Variants in EXTL3 observed in about 807,000 individuals in gnomAD.
EXTL3 encodes the protein exostosin-like 3.
Under a neutral mutation model 69.3 loss-of-function variants are expected in EXTL3, and 27 were observed. The observed-to-expected ratio is 0.39, with a 90% CI of 0.29 to 0.54. The LOEUF is 0.54. Ranked by LOEUF, EXTL3 falls within the 20% of genes least tolerant of loss-of-function variation. EXTL3 has a pLI of 0.69. For missense variants in EXTL3, 1,003 were observed against 1,231.8 expected (o/e 0.81, Z 2.78); for synonymous variants, 511 against 499.4 (o/e 1.02, Z -0.31).
intron 1 of EXTL3, among the ~76,000 whole-genome samples, chr8:28,643,352 T>C (rs1417272628): frequency 6.6e-6 from 1 of 152,148 alleles, no homozygotes; most frequent in Non-Finnish European, 1.5e-5. Context: ...ACTCCCTTTG[T>C]TCCCCCTAAG....
At chr8:28,746,049 ATATTT>A (rs1468445660) in intron 6 of EXTL3, among the ~76,000 whole-genome samples, 4 of 152,322 alleles carry the variant, frequency 2.6e-5, no homozygotes, top group African/African-American at 9.6e-5. Flanking sequence ...TTTGAATTAA[ATATTT>A]TATTTACCTA....
intron 2 of EXTL3, among the ~76,000 whole-genome samples, chr8:28,715,094 C>G (rs1278729937): frequency 6.6e-6 from 1 of 152,166 alleles, no homozygotes; most frequent in African/African-American, 2.4e-5. Flanking sequence ...TCTCTTCAAC[C>G]CTTTCAACTC....
intron 5 of EXTL3, among the ~76,000 whole-genome samples, chr8:28,739,335 T>C (rs2130786415): frequency 6.6e-6 from 1 of 152,236 alleles, no homozygotes; most frequent in Admixed American, 6.5e-5. Flanking sequence ...ATAGGGACTT[T>C]TTTAATTTTT....
At chr8:28,665,064 T>C (rs1256973866) in intron 1 of EXTL3, among the ~76,000 whole-genome samples, 48 of 13,192 alleles carry the variant, frequency 3.6e-3, no homozygotes, top group Non-Finnish European at 8.1e-3. Context: ...TTTCCTTTAC[T>C]TTTTTTTTTT....
chr8:28,637,313 C>G (rs564077188), intron 1 of EXTL3: 1 of 152,444 alleles, frequency 6.6e-6, no homozygotes, highest in Admixed American at 6.5e-5. Flanking sequence ...TTTTCAAACA[C>G]CGCATTCCCC....
intron 1 of EXTL3, among the ~76,000 whole-genome samples, chr8:28,643,481 C>T (rs1806777874): frequency 6.7e-6 from 1 of 148,440 alleles, no homozygotes; most frequent in Non-Finnish European, 1.5e-5. Flanking sequence ...GTGGTGCTAT[C>T]TTGGCTCACT....
rs555413925 is a variant in EXTL3 at position 28,705,451 on chromosome 8, C to T, written c.-570+3792C>T. Among the ~76,000 whole-genome samples, 14 of 152,002 alleles carry T rather than the reference C, an allele frequency of 9.2e-5. No individual in the cohort carries two copies. In the South Asian group the frequency reaches 2.9e-3, roughly 32 times the overall value. On this transcript the variant is annotated intron_variant, in intron 1 of 6. Coordinates refer to ENST00000220562, the MANE Select transcript of EXTL3 (RefSeq NM_001440.4). ...GCTGATTTAAGGCTGGGCACGGTGG[C>T]TCACACCTGTAATCCCAGCACTTTG... is the stretch of plus-strand genomic sequence containing the variant.
chr8:28,618,409 A>G (rs910874480), upstream of EXTL3, among the ~76,000 whole-genome samples: 2 of 152,178 alleles, frequency 1.3e-5, no homozygotes, highest in African/African-American at 4.8e-5. Context: ...GACAAAATTC[A>G]GAGGGGGAAA....
chr8:28,714,831 G>GCCGTCT (rs1342083839), intron 2 of EXTL3, among the ~76,000 whole-genome samples: 1 of 152,318 alleles, frequency 6.6e-6, no homozygotes, highest in South Asian at 2.1e-4. Context: ...GTGGTGCATT[G>GCCGTCT]CCGTCTCCGT....
At chr8:28,642,056 C>T (rs1282177971) in intron 1 of EXTL3, among the ~76,000 whole-genome samples, 1 of 150,444 alleles carries the variant, frequency 6.6e-6, no homozygotes, top group African/African-American at 2.4e-5. Context: ...AGGATGGTCT[C>T]GATCTCCTGA....
At chr8:28,724,540 G>A (rs1801368443) in intron 3 of EXTL3, among the ~76,000 whole-genome samples, 1 of 151,852 alleles carries the variant, frequency 6.6e-6, no homozygotes, top group Non-Finnish European at 1.5e-5. Flanking sequence ...GGCCGAGATG[G>A]GTGGATCGCG....
At chr8:28,690,905 A>G (rs1257288285) in intron 1 of EXTL3, among the ~76,000 whole-genome samples, 2 of 152,118 alleles carry the variant, frequency 1.3e-5, no homozygotes, top group Non-Finnish European at 2.9e-5. Flanking sequence ...CTGTGTGAAT[A>G]CCAGGGGGCA....
Position 28,716,877 on chromosome 8 carries a change from A to G in EXTL3, c.818A>G (p.His273Arg). 2 of 1,614,216 alleles carry G rather than the reference A, an allele frequency of 1.2e-6. No homozygotes were observed. The highest frequency in any genetic ancestry group is 8.5e-7 in the Non-Finnish European group (1 of 1,180,048). ...CACTGGCGGACGGATGGACACAACC[A>G]TGTCATCATCAATCTGTCACGTAAG... The part of the protein sequence containing the change: ...LPHWRTDGHN[H>R]VIINLSRKSD... The change falls in exon 3 of 7, where the codon CAT becomes CGT. Residue 273 changes from histidine to arginine, a missense_variant. His to Arg is a conservative substitution (Grantham distance 29, BLOSUM62 0). This residue lies in a region of EXTL3 where 742 missense variants were observed against 815.4 expected (regional missense o/e 0.91). Transcript: ENST00000220562. The surrounding 1 kb of genome is among the most constrained non-coding windows in gnomAD (Gnocchi z 7.1).
intron 1 of EXTL3, among the ~76,000 whole-genome samples, chr8:28,671,156 A>G (rs1228830525): frequency 6.6e-6 from 1 of 151,478 alleles, no homozygotes; most frequent in Non-Finnish European, 1.5e-5. Flanking sequence ...AATTTTTTGT[A>G]TTTTTAGTAG....
chr8:28,670,805 A>C (rs1245960816), intron 1 of EXTL3, among the ~76,000 whole-genome samples: 1 of 152,084 alleles, frequency 6.6e-6, no homozygotes, highest in African/African-American at 2.4e-5. Context: ...ATGTTTGGAC[A>C]CTCCTGACCC....
chr8:28,748,980 C>T (rs771132876), intron 6 of EXTL3, among the ~76,000 whole-genome samples: 1 of 151,920 alleles, frequency 6.6e-6, no homozygotes, highest in Non-Finnish European at 1.5e-5. Flanking sequence ...TCGTCGATAC[C>T]CTTGGACTGT....
chr8:28,699,796 G>A (rs1239787569), upstream of EXTL3: 2 of 152,194 alleles, frequency 1.3e-5, no homozygotes, highest in East Asian at 1.9e-4. Flanking sequence ...TATGAGTCAC[G>A]GCGCCTGGCC....
At chr8:28,667,010 G>A (rs568162736) in intron 1 of EXTL3, among the ~76,000 whole-genome samples, 51 of 152,342 alleles carry the variant, frequency 3.3e-4, no homozygotes, top group African/African-American at 1.2e-3. Flanking sequence ...CAACTTGAAG[G>A]TGTGGGAGCT....
At chr8:28,712,096 C>T (rs868487515) in intron 1 of EXTL3, among the ~76,000 whole-genome samples, 17 of 151,914 alleles carry the variant, frequency 1.1e-4, no homozygotes, top group African/African-American at 1.9e-4. Flanking sequence ...CAGAGAGCAT[C>T]GGGGGGTAAG....
Sources: gnomAD v4.1 joint callset for allele counts (sites outside exome capture counted in the v4.1 genomes callset) on GRCh38, gnomAD v4.1.1 for gene constraint, gnomAD v4.1.1 regional missense constraint, Gnocchi (gnomAD v3.1) non-coding constraint, MANE v1.5 for transcripts, NCBI Gene and HGNC (gene_info 2026-07-23, HGNC 2026-07-21) for gene names.